The following LIN54 variants were observed in gnomAD, a reference collection of about 807,000 sequenced individuals.
The protein encoded by LIN54 is lin-54 DREAM MuvB core complex component, also known as protein lin-54 homolog.
In LIN54, 9 loss-of-function variants were observed where a neutral mutation model predicts 78.7. That is an observed-to-expected ratio of 0.11 (90% CI 0.07 to 0.20). The LOEUF is 0.20. Among genes scored for constraint, LIN54 ranks in the 10% least tolerant of loss-of-function variants. The pLI is 1.00. For synonymous variants in LIN54, 269 were observed against 318.4 expected, an observed-to-expected ratio of 0.84 and a Z score of 1.65; for missense variants, 573 against 889.9, an observed-to-expected ratio of 0.64 and a Z score of 4.53.
chr4:82,979,837 T>A (rs1726473062), intron 2 of LIN54, among the ~76,000 whole-genome samples: 1 of 145,862 alleles, frequency 6.9e-6, no homozygotes, highest in Non-Finnish European at 1.5e-5. Context: ...CTCGGGAGGC[T>A]GAGGCAGGAG....
intron 4 of LIN54, among the ~76,000 whole-genome samples, chr4:82,960,424 T>C (rs1023069572): frequency 3.3e-5 from 5 of 152,124 alleles, no homozygotes; most frequent in Admixed American, 6.6e-5. Flanking sequence ...GTATGAGCCA[T>C]TGCATCTCAA....
chr4:82,934,416 TAAC>T (rs774258939), intron 11 of LIN54, among the ~76,000 whole-genome samples: 26 of 151,962 alleles, frequency 1.7e-4, no homozygotes, highest in Admixed American at 9.8e-4. Context: ...AAAAACAAAA[TAAC>T]AACAACAACA....
intron 4 of LIN54, among the ~76,000 whole-genome samples, chr4:82,947,394 TTGTGTGTGTGTGTGTGTGTGTG>T (rs57298736): frequency 7.2e-5 from 9 of 124,656 alleles, no homozygotes; most frequent in African/African-American, 1.6e-4. Flanking sequence ...CCCAGTTAAT[TTGTGTGTGTGTGTGTGTGTGTG>T]TGTGTGTGTG....
intron 1 of LIN54, among the ~76,000 whole-genome samples, chr4:82,986,702 CAAAAA>C (rs70943178): frequency 2.9e-5 from 2 of 68,748 alleles, no homozygotes; most frequent in Non-Finnish European, 5.4e-5. Flanking sequence ...GACCCCATCT[CAAAAA>C]AAAAAAAAAA....
chr4:82,951,014 A>C (rs1412520693), intron 4 of LIN54, among the ~76,000 whole-genome samples: 1 of 152,178 alleles, frequency 6.6e-6, no homozygotes, highest in Non-Finnish European at 1.5e-5. Context: ...AATACGTATT[A>C]ATATAGTTTT....
At chr4:82,982,710 A>G (rs1726777091) in intron 2 of LIN54, among the ~76,000 whole-genome samples, 1 of 152,224 alleles carries the variant, frequency 6.6e-6, no homozygotes, top group Non-Finnish European at 1.5e-5. Flanking sequence ...GTGAGAAGTA[A>G]TAATGAACAA....
intron 12 of LIN54, among the ~76,000 whole-genome samples, chr4:82,928,921 A>G (rs1312895120): frequency 1.3e-5 from 2 of 152,246 alleles, no homozygotes; most frequent in African/African-American, 4.8e-5. Flanking sequence ...GCTATTGAGT[A>G]TTAAATTGGA....
chr4:83,012,456 C>T (rs1275788787), upstream of LIN54, among the ~76,000 whole-genome samples: 2 of 152,130 alleles, frequency 1.3e-5, no homozygotes, highest in African/African-American at 4.8e-5. Flanking sequence ...TGTTGGGTCG[C>T]GCAGTGTGCG....
chr4:82,963,486 C>G (rs576215518), intron 4 of LIN54, among the ~76,000 whole-genome samples: 87 of 152,144 alleles, frequency 5.7e-4, no homozygotes, highest in African/African-American at 1.8e-3. Flanking sequence ...GTAATTTTGT[C>G]TAAAGCTAAA....
At chr4:82,950,863 G>A (rs1389099224) in intron 4 of LIN54, among the ~76,000 whole-genome samples, 4 of 152,004 alleles carry the variant, frequency 2.6e-5, no homozygotes, top group African/African-American at 9.7e-5. Flanking sequence ...AAAAGAAAAA[G>A]AGGAATAAAA....
rs1560710668 is a variant in LIN54, at chr4:82,928,299, G to A, written c.2053C>T (p.Pro685Ser). The A allele has an allele frequency of 6.2e-7, 1 of 1,612,556 alleles. No individual in the cohort carries two copies. The highest frequency in any genetic ancestry group is 8.5e-7 in the Non-Finnish European group (1 of 1,178,570). The change falls in exon 13 of 13, where the codon CCA becomes TCA. Residue 685 changes from proline to serine, a missense_variant. Pro to Ser is a moderately conservative substitution (Grantham distance 74, BLOSUM62 -1). Around this residue, in one of 6 missense-constraint regions of LIN54, gnomAD observed 82 missense variants for 140.8 expected, o/e 0.58. Coordinates refer to ENST00000340417, the MANE Select transcript of LIN54 (RefSeq NM_194282.4). ...PALNSGGGKL[P>S]FTFVTKEVAE... ...ACTTCCTTAGTTACAAATGTAAATG[G>A]CAATCTGAAATGATTTTTGAAAGAG...
chr4:82,973,518 T>A (rs759710355), intron 3 of LIN54, among the ~76,000 whole-genome samples: 1 of 152,172 alleles, frequency 6.6e-6, no homozygotes, highest in Non-Finnish European at 1.5e-5. Flanking sequence ...TGTCAGGTAT[T>A]CTCCAAGAAT....
chr4:83,010,260 G>T (rs540518579), intron 1 of LIN54, among the ~76,000 whole-genome samples: 1 of 152,172 alleles, frequency 6.6e-6, no homozygotes, highest in East Asian at 1.9e-4. Flanking sequence ...ATAAGTGCTA[G>T]CGGTTCCTCT....
chr4:82,998,811 G>T (rs1394776863), intron 1 of LIN54, among the ~76,000 whole-genome samples: 1 of 151,088 alleles, frequency 6.6e-6, no homozygotes, highest in Non-Finnish European at 1.5e-5. Flanking sequence ...AAAAATTTAA[G>T]AAAAAGTTTG....
At chr4:82,937,178 G>T in intron 9 of LIN54, 49 bp downstream of exon 9, 1 of 922,550 alleles carries the variant, frequency 1.1e-6, no homozygotes, top group Non-Finnish European at 1.8e-6. Context: ...TTACTTTTAA[G>T]TGCATTTCTA....
chr4:82,965,425 C>CA (rs962758978), intron 4 of LIN54, among the ~76,000 whole-genome samples: 1 of 152,058 alleles, frequency 6.6e-6, no homozygotes, highest in African/African-American at 2.4e-5. Flanking sequence ...GGAGTGAAAA[C>CA]AGTCTGAAAT....
chr4:82,934,041 A>G (rs1446311359), intron 11 of LIN54, among the ~76,000 whole-genome samples: 1 of 152,212 alleles, frequency 6.6e-6, no homozygotes, highest in Non-Finnish European at 1.5e-5. Context: ...GGTATTCAAA[A>G]GAAGAAAGAC....
chr4:82,984,480 T>C lies in LIN54; in HGVS notation c.365A>G (p.Gln122Arg). The change falls in exon 2 of 13, where the codon CAG becomes CGG. Residue 122 changes from glutamine (Q) to arginine (R), a missense_variant. This residue lies in a region of LIN54 where 183 missense variants were observed against 228.4 expected (regional missense o/e 0.80). Transcript: ENST00000340417. ...ANQIILNKVS[Q>R]TSDLKLGNQT... is the part of the protein sequence containing the mutation. ...ATTGCCAAGTTTAAGATCAGATGTC[T>C]GTGATACTTTGTTTAAAATAATCTG... The C allele has an allele frequency of 6.2e-7, 1 of 1,614,250 alleles. No homozygotes were observed. The highest frequency in any genetic ancestry group is 8.5e-7 in the Non-Finnish European group (1 of 1,180,038).
intron 4 of LIN54, among the ~76,000 whole-genome samples, chr4:82,951,059 T>A (rs893594164): frequency 2.0e-5 from 3 of 152,178 alleles, no homozygotes; most frequent in African/African-American, 7.2e-5. Context: ...GAGCTTATCA[T>A]CATGGAAAAG....
Sources: gnomAD v4.1 joint callset for allele counts (sites outside exome capture counted in the v4.1 genomes callset) on GRCh38, gnomAD v4.1.1 for gene constraint, gnomAD v4.1.1 regional missense constraint, MANE v1.5 for transcripts, NCBI Gene and HGNC (gene_info 2026-07-23, HGNC 2026-07-21) for gene names.